Variants in CLVS2 observed in about 807,000 individuals in gnomAD.
CLVS2 encodes clavesin 2.
Under a neutral mutation model 29.0 loss-of-function variants are expected in CLVS2, and 19 were observed. The observed-to-expected ratio is 0.66, with a 90% CI of 0.46 to 0.96. The LOEUF (loss-of-function observed/expected upper bound fraction) is 0.96, where lower values mean the gene tolerates loss of function less well. CLVS2 is among the 40% of genes least tolerant of loss of function. CLVS2 has a pLI of 0.00. For missense variants in CLVS2, 294 were observed against 404.1 expected, an observed-to-expected ratio of 0.73 and a Z score of 2.34; for synonymous variants, 161 against 151.3, an observed-to-expected ratio of 1.06 and a Z score of -0.47.
At chr6:123,001,710 A>T (rs1450790481) in intron 2 of CLVS2, among the ~76,000 whole-genome samples, 1 of 152,158 alleles carries the variant, frequency 6.6e-6, no homozygotes, top group Admixed American at 6.6e-5. Context: ...ATACCTTCAA[A>T]TGGTTCGCAG....
At chr6:123,002,765 A>T (rs1774609085) in intron 2 of CLVS2, among the ~76,000 whole-genome samples, 1 of 152,318 alleles carries the variant, frequency 6.6e-6, no homozygotes, top group African/African-American at 2.4e-5. Context: ...GTTTATTAAC[A>T]TATTAAATAA....
At chr6:123,022,533 T>C (rs1215121949) in intron 3 of CLVS2, among the ~76,000 whole-genome samples, 1 of 152,030 alleles carries the variant, frequency 6.6e-6, no homozygotes, top group Non-Finnish European at 1.5e-5. Context: ...ATATGGTAAT[T>C]GTTGTATGGT....
At chr6:123,003,887 C>G (rs911088917) in intron 2 of CLVS2, among the ~76,000 whole-genome samples, 1 of 152,106 alleles carries the variant, frequency 6.6e-6, no homozygotes, top group Non-Finnish European at 1.5e-5. Context: ...CAAAATAATT[C>G]TACTGTGTGT....
At chr6:123,053,479 C>A (rs997351758) in intron 4 of CLVS2, among the ~76,000 whole-genome samples, 1 of 152,118 alleles carries the variant, frequency 6.6e-6, no homozygotes. Flanking sequence ...ATCTATTATA[C>A]CCATTGCTAC....
chr6:123,000,638 C>CA (rs1164706433), intron 2 of CLVS2, among the ~76,000 whole-genome samples: 1 of 152,128 alleles, frequency 6.6e-6, no homozygotes, highest in Non-Finnish European at 1.5e-5. Flanking sequence ...TGGATAATGC[C>CA]ATGTGCTAGT....
rs574443885 is a variant in CLVS2 at position 123,065,916 on chromosome 6, A to G, written c.*2155A>G. 6.6e-6 allele frequency: 1 copy of G among 151,878 alleles called. No homozygotes were observed. Among genetic ancestry groups the G allele is most frequent in the South Asian group, 2.1e-4 (1 of 4,828 alleles). The allele number at this position is 151,878 out of a possible 1,614,324, so 9.4% of individuals were successfully genotyped here. On this transcript the variant is annotated 3_prime_UTR_variant, in exon 6 of 6. Transcript: ENST00000275162. ...CATATATAAAAATAACTAGAAAGGCATATTTTATATGTATGCCTATCTAAT... is the reference window on the plus strand; with the variant it reads ...CATATATAAAAATAACTAGAAAGGCGTATTTTATATGTATGCCTATCTAAT...
At chr6:123,024,412 T>A (rs1271669862) in intron 3 of CLVS2, among the ~76,000 whole-genome samples, 1 of 152,114 alleles carries the variant, frequency 6.6e-6, no homozygotes, top group Non-Finnish European at 1.5e-5. Context: ...AATATACACA[T>A]ATCTCCTCAC....
At chr6:123,007,404 A>G (rs773917256) in intron 2 of CLVS2, among the ~76,000 whole-genome samples, 3 of 152,164 alleles carry the variant, frequency 2.0e-5, no homozygotes, top group Non-Finnish European at 4.4e-5. Context: ...TTTATTTTGT[A>G]TTTGTTAATA....
At chr6:123,041,291 T>C (rs1775230145) in intron 3 of CLVS2, among the ~76,000 whole-genome samples, 1 of 152,104 alleles carries the variant, frequency 6.6e-6, no homozygotes, top group Admixed American at 6.6e-5. Flanking sequence ...ACCAAAGCAA[T>C]GCAGCCAAAT....
chr6:123,036,329 C>T (rs550838856), intron 3 of CLVS2, among the ~76,000 whole-genome samples: 13 of 152,252 alleles, frequency 8.5e-5, no homozygotes, highest in Non-Finnish European at 1.3e-4. Flanking sequence ...AAGAATTCTA[C>T]TCAGGCCATC....
intron 5 of CLVS2, among the ~76,000 whole-genome samples, chr6:123,062,973 C>T (rs1461738282): frequency 6.6e-6 from 1 of 152,212 alleles, no homozygotes; most frequent in Non-Finnish European, 1.5e-5. Context: ...AGAAGCCCCA[C>T]CTGCTATCAA....
intron 3 of CLVS2, among the ~76,000 whole-genome samples, chr6:123,046,532 G>A (rs1282127864): frequency 2.0e-5 from 3 of 151,946 alleles, no homozygotes; most frequent in Admixed American, 2.0e-4. Flanking sequence ...GGTGGTGCAT[G>A]CCTGTAGTCC....
In CLVS2 at chr6:123,064,046, G is replaced by A. The variant is rs1038995365; in HGVS notation, c.*285G>A. On this transcript the variant is annotated 3_prime_UTR_variant, in exon 6 of 6. Transcript: ENST00000275162. The stretch of plus-strand genomic sequence containing the variant: ...CAGTAGTAACTCAGTTTGGAAAAAG[G>A]TTGGCTCAAAAGTCCATGCCAGTGT... 9.1e-5 allele frequency: 24 copies of A among 263,498 alleles called. No individual in the cohort carries two copies. The highest frequency in any genetic ancestry group is 4.9e-4 in the African/African-American group (22 of 44,714). 16.3% of individuals were successfully genotyped at this position (263,498 alleles called of 1,614,324 possible).
intron 3 of CLVS2, among the ~76,000 whole-genome samples, chr6:123,014,151 A>T (rs1482800295): frequency 1.3e-5 from 2 of 152,130 alleles, no homozygotes; most frequent in Non-Finnish European, 2.9e-5. Flanking sequence ...TAGCAGCATG[A>T]TTTAAAACCC....
chr6:123,033,093 T>G (rs2114336256), intron 3 of CLVS2, among the ~76,000 whole-genome samples: 1 of 152,200 alleles, frequency 6.6e-6, no homozygotes, highest in East Asian at 1.9e-4. Flanking sequence ...TATTAGCCAT[T>G]TTTGGTTTAA....
chr6:123,004,604 A>G (rs2114299613), intron 2 of CLVS2, among the ~76,000 whole-genome samples: 1 of 152,244 alleles, frequency 6.6e-6, no homozygotes, highest in Non-Finnish European at 1.5e-5. Flanking sequence ...TGACATATAT[A>G]TTATGCTACC....
At chr6:123,056,096 GCTTT>G in intron 5 of CLVS2, 70 bp downstream of exon 5, 1 of 1,033,240 alleles carries the variant, frequency 9.7e-7, no homozygotes, top group Non-Finnish European at 1.5e-6. Context: ...CAAACTCAAA[GCTTT>G]CTGTTTTTCT....
intron 3 of CLVS2, among the ~76,000 whole-genome samples, chr6:123,045,089 T>C (rs1166805012): frequency 6.6e-6 from 1 of 152,036 alleles, no homozygotes; most frequent in Admixed American, 6.6e-5. Flanking sequence ...GATAGTTTAC[T>C]TAAATAGTTT....
intron 3 of CLVS2, among the ~76,000 whole-genome samples, chr6:123,029,415 G>T (rs1775050473): frequency 6.6e-6 from 1 of 152,150 alleles, no homozygotes; most frequent in African/African-American, 2.4e-5. Context: ...GATATCCATA[G>T]AAAGCCCTTT....
Sources: gnomAD v4.1 joint callset for allele counts (sites outside exome capture counted in the v4.1 genomes callset) on GRCh38, gnomAD v4.1.1 for gene constraint, MANE v1.5 for transcripts, NCBI Gene and HGNC (gene_info 2026-07-23, HGNC 2026-07-21) for gene names.